TYW1: variants seen among roughly 807,000 people sequenced by gnomAD.
The protein encoded by TYW1 is S-adenosyl-L-methionine-dependent tRNA 4-demethylwyosine synthase TYW1.
TYW1 carries 46 observed loss-of-function variants against 96.2 expected under a neutral mutation model. That is an observed-to-expected ratio of 0.48 (90% confidence interval 0.38 to 0.61). The LOEUF (loss-of-function observed/expected upper bound fraction) is 0.61, where lower values mean the gene tolerates loss of function less well. TYW1 is among the 20% of genes least tolerant of loss of function. TYW1 has a pLI of 0.00. For synonymous variants in TYW1, 274 were observed against 323.0 expected (o/e 0.85, Z 1.63); for missense variants, 684 against 909.6 (o/e 0.75, Z 3.19).
chr7:67,167,329 C>A (rs1799369934), intron 13 of TYW1, among the ~76,000 whole-genome samples: 1 of 151,882 alleles, frequency 6.6e-6, no homozygotes, highest in African/African-American at 2.4e-5. Context: ...ATTAGCCGGG[C>A]CTGGTGGCAC....
intron 10 of TYW1, among the ~76,000 whole-genome samples, chr7:67,070,714 C>T (rs1196341177): frequency 6.6e-6 from 1 of 152,076 alleles, no homozygotes; most frequent in Non-Finnish European, 1.5e-5. Context: ...AGATAGTTGG[C>T]TTAAAGTATT....
chr7:67,146,134 T>G (rs6958481), intron 13 of TYW1, among the ~76,000 whole-genome samples: 39,533 of 152,014 alleles, frequency 0.26, 5,639 homozygotes, highest in African/African-American at 0.38. Context: ...TTCATAGTTA[T>G]AATCATACTA....
chr7:67,088,951 G>A (rs962915310), intron 11 of TYW1, among the ~76,000 whole-genome samples: 5 of 152,168 alleles, frequency 3.3e-5, no homozygotes, highest in African/African-American at 1.2e-4. Flanking sequence ...CAGATTTCTT[G>A]TATAAATGGC....
At chr7:67,108,531 T>C (rs1563017601) in intron 12 of TYW1, among the ~76,000 whole-genome samples, 1 of 151,152 alleles carries the variant, frequency 6.6e-6, no homozygotes, top group Non-Finnish European at 1.5e-5. Context: ...AGCCGCTGCC[T>C]TTTGAGTTCA....
chr7:67,151,443 T>G (rs574603065), intron 13 of TYW1, among the ~76,000 whole-genome samples: 3 of 152,256 alleles, frequency 2.0e-5, no homozygotes, highest in Non-Finnish European at 4.4e-5. Flanking sequence ...AACCTTCTAC[T>G]GCTCTGCCTT....
chr7:67,136,094 T>A (rs913359926), intron 13 of TYW1, among the ~76,000 whole-genome samples: 2 of 152,214 alleles, frequency 1.3e-5, no homozygotes, highest in Non-Finnish European at 2.9e-5. Flanking sequence ...GGTATATTTT[T>A]ATTATCTTTT....
At position 67,086,513 on chromosome 7, in the gene TYW1, C is replaced by A. The variant is rs138186183; in HGVS notation, c.1384+2974C>A. On this transcript the variant is annotated intron_variant, in intron 11 of 15. Transcript: ENST00000359626. ...AGACTGAGATTGAGATTCATTTGTT[C>A]ATTTTTAGGAGTTGGCTCATGTATT... is the stretch of plus-strand genomic sequence containing the variant. Among the ~76,000 whole-genome samples, 25 of 152,020 alleles carry A rather than the reference C, an allele frequency of 1.6e-4. No homozygotes were observed. In the East Asian group the frequency reaches 4.6e-3, roughly 28 times the overall value.
intron 13 of TYW1, among the ~76,000 whole-genome samples, chr7:67,141,242 A>G (rs138001803): frequency 2.0e-5 from 3 of 152,356 alleles, no homozygotes; most frequent in South Asian, 2.1e-4. Context: ...GAGTGAATCA[A>G]TACAGTTTGT....
chr7:67,143,818 C>A (rs1301064489), intron 13 of TYW1, among the ~76,000 whole-genome samples: 1 of 152,182 alleles, frequency 6.6e-6, no homozygotes, highest in Non-Finnish European at 1.5e-5. Context: ...TTAAATAATT[C>A]TGTGATTCTA....
intron 15 of TYW1, among the ~76,000 whole-genome samples, chr7:67,227,758 A>T (rs564695635): frequency 6.6e-6 from 1 of 152,238 alleles, no homozygotes; most frequent in Admixed American, 6.5e-5. Flanking sequence ...CACTCTGTGC[A>T]TATCATCACA....
intron 3 of TYW1, among the ~76,000 whole-genome samples, chr7:67,009,037 T>A (rs4717337): frequency 0.13 from 19,760 of 152,132 alleles, 1,493 homozygotes; most frequent in Admixed American, 0.15. Context: ...TGAGACAGGA[T>A]CTGAGTCTGT....
intron 5 of TYW1, among the ~76,000 whole-genome samples, chr7:67,015,170 T>G (rs1451883956): frequency 6.6e-6 from 1 of 150,988 alleles, no homozygotes; most frequent in Non-Finnish European, 1.5e-5. Flanking sequence ...CCTGGCTAAT[T>G]TTTTTGCATT....
At chr7:67,005,545 G>A (rs1231703709) in intron 3 of TYW1, among the ~76,000 whole-genome samples, 1 of 152,238 alleles carries the variant, frequency 6.6e-6, no homozygotes, top group Admixed American at 6.5e-5. Flanking sequence ...GCAGTAAGCC[G>A]TGACTGTGCC....
intron 8 of TYW1, among the ~76,000 whole-genome samples, chr7:67,052,810 C>A (rs1358339470): frequency 6.6e-6 from 1 of 152,142 alleles, no homozygotes; most frequent in Non-Finnish European, 1.5e-5. Flanking sequence ...TGGCTCACTG[C>A]AACCTCTGCC....
At position 67,238,386 on chromosome 7, in the gene TYW1, G is replaced by A; in HGVS notation, c.2056G>A (p.Gly686Ser). ...QELIQEYEDS[G>S]GSKTFSAKDY... is the part of the protein sequence containing the mutation. ...GCTCATCCAGGAATATGAAGATAGT[G>A]GTGGATCAAAAACGTTCAGCGCAAA... The change falls in exon 16 of 16, where the codon GGT (glycine) becomes AGT (serine). Residue 686 changes from glycine to serine, a missense_variant. Physicochemically the swap from Gly to Ser is moderately conservative, Grantham distance 56. Coordinates refer to ENST00000359626, the MANE Select transcript of TYW1 (RefSeq NM_018264.4). 6.2e-7 allele frequency: 1 copy of A among 1,613,524 alleles called. No homozygotes were observed. The highest frequency in any genetic ancestry group is 8.5e-7 in the Non-Finnish European group (1 of 1,179,784).
chr7:67,207,169 C>G (rs917127104), intron 15 of TYW1, among the ~76,000 whole-genome samples: 6 of 152,212 alleles, frequency 3.9e-5, no homozygotes, highest in Non-Finnish European at 8.8e-5. Context: ...AGCATGCCTC[C>G]TCCAGGAAGC....
At chr7:67,169,235 G>C (rs991326305) in intron 13 of TYW1, among the ~76,000 whole-genome samples, 10 of 151,766 alleles carry the variant, frequency 6.6e-5, no homozygotes, top group African/African-American at 2.4e-4. Flanking sequence ...AATTTACTTT[G>C]CATAAAAATG....
intron 13 of TYW1, among the ~76,000 whole-genome samples, chr7:67,158,400 T>C (rs1204584716): frequency 1.3e-5 from 2 of 152,062 alleles, no homozygotes; most frequent in Non-Finnish European, 2.9e-5. Context: ...CTAAGGATTT[T>C]ATCATGAATA....
intron 4 of TYW1, 127 bp from the exon 5 acceptor site, chr7:67,014,240 A>C: frequency 1.5e-6 from 2 of 1,320,942 alleles, no homozygotes; most frequent in Non-Finnish European, 2.0e-6. Context: ...TCACTTTTGA[A>C]GATGAACCAT....
Sources: allele counts gnomAD v4.1 joint callset (sites outside exome capture counted in the v4.1 genomes callset), GRCh38; gene constraint gnomAD v4.1.1; transcripts MANE v1.5; gene names NCBI Gene and HGNC (gene_info 2026-07-23, HGNC 2026-07-21).